The following CSMD1 variants were observed in gnomAD, a reference collection of about 807,000 sequenced individuals.
The protein encoded by CSMD1 is CUB and Sushi multiple domains 1.
Under a neutral mutation model 417.5 loss-of-function variants are expected in CSMD1, and 213 were observed. The observed-to-expected ratio is 0.51, with a 90% CI of 0.46 to 0.57. The LOEUF (loss-of-function observed/expected upper bound fraction) is 0.57, where lower values mean the gene tolerates loss of function less well. Among genes scored for constraint, CSMD1 ranks in the 20% least tolerant of loss-of-function variants. The pLI is 0.00. For missense variants in CSMD1, 6,923 were observed against 4,529.7 expected (o/e 1.53, Z -15.17); for synonymous variants, 2,862 against 1,736.8 (o/e 1.65, Z -16.11).
intron 3 of CSMD1, among the ~76,000 whole-genome samples, chr8:4,374,718 G>A (rs1802610621): frequency 6.6e-6 from 1 of 152,132 alleles, no homozygotes; most frequent in Non-Finnish European, 1.5e-5. Flanking sequence ...TCCGTGTCTG[G>A]AGCAGACTAA....
At chr8:4,404,440 C>A (rs765500635) in intron 3 of CSMD1, among the ~76,000 whole-genome samples, 3 of 152,050 alleles carry the variant, frequency 2.0e-5, no homozygotes, top group Non-Finnish European at 4.4e-5. Context: ...ATTTGTCAAG[C>A]AACGAAAGTA....
intron 1 of CSMD1, among the ~76,000 whole-genome samples, chr8:4,902,179 A>C (rs755712918): frequency 1.2e-4 from 18 of 152,160 alleles, no homozygotes; most frequent in Non-Finnish European, 2.5e-4. Flanking sequence ...GGAGAACAAG[A>C]TGGAAGGATC....
chr8:3,706,178 G>A (rs183854549), intron 7 of CSMD1, among the ~76,000 whole-genome samples: 4 of 152,346 alleles, frequency 2.6e-5, no homozygotes, highest in African/African-American at 7.2e-5. Context: ...AATGCCCACT[G>A]CATGCCACAC....
intron 3 of CSMD1, among the ~76,000 whole-genome samples, chr8:4,257,737 G>A (rs781103419): frequency 9.9e-5 from 15 of 152,158 alleles, no homozygotes; most frequent in Non-Finnish European, 1.9e-4. Flanking sequence ...CTCTGCTTCC[G>A]CTTTCCCGTT....
intron 7 of CSMD1, chr8:3,702,167 C>G (rs1044741366): frequency 6.6e-6 from 1 of 152,140 alleles, no homozygotes; most frequent in South Asian, 2.1e-4. Context: ...AAAAAATCAT[C>G]TTTTTATTAA....
At chr8:4,627,224 T>C (rs933063366) in intron 2 of CSMD1, among the ~76,000 whole-genome samples, 2 of 152,146 alleles carry the variant, frequency 1.3e-5, no homozygotes, top group Non-Finnish European at 2.9e-5. Context: ...CAACAGACTT[T>C]GCTGTCCAGT....
At chr8:4,483,675 T>A (rs926005961) in intron 2 of CSMD1, among the ~76,000 whole-genome samples, 1 of 152,208 alleles carries the variant, frequency 6.6e-6, no homozygotes, top group African/African-American at 2.4e-5. Context: ...TAATCCATTT[T>A]TGTAAGAAAA....
At chr8:4,719,951 C>T (rs937909591) in intron 1 of CSMD1, among the ~76,000 whole-genome samples, 1 of 152,086 alleles carries the variant, frequency 6.6e-6, no homozygotes, top group Non-Finnish European at 1.5e-5. Flanking sequence ...TGTCACCTCA[C>T]TTTAAATTTT....
chr8:3,482,646 G>A (rs1428279539), intron 11 of CSMD1, among the ~76,000 whole-genome samples: 14 of 152,266 alleles, frequency 9.2e-5, no homozygotes. Context: ...GGATCTAACT[G>A]ACGAATATGG....
intron 1 of CSMD1, among the ~76,000 whole-genome samples, chr8:4,903,691 T>C (rs933464667): frequency 3.3e-5 from 5 of 152,184 alleles, no homozygotes; most frequent in African/African-American, 1.2e-4. Flanking sequence ...CCAAAGGTTG[T>C]AATAAGGTCC....
chr8:2,966,517 T>C (rs1803974181), intron 58 of CSMD1, 53 bp downstream of exon 58: 2 of 1,517,692 alleles, frequency 1.3e-6, no homozygotes, highest in Admixed American at 1.9e-5. Flanking sequence ...TTTTTCCCAA[T>C]GGAGTGAATT....
chr8:3,071,521 A>C (rs1252878676), intron 49 of CSMD1, among the ~76,000 whole-genome samples: 1 of 152,226 alleles, frequency 6.6e-6, no homozygotes, highest in Non-Finnish European at 1.5e-5. Flanking sequence ...AATAAAAAAT[A>C]AAATGATAAA....
At chr8:3,021,212 T>G (rs902978608) in intron 51 of CSMD1, among the ~76,000 whole-genome samples, 1 of 152,354 alleles carries the variant, frequency 6.6e-6, no homozygotes, top group Middle Eastern at 3.4e-3. Flanking sequence ...TTAAAAATAT[T>G]CTGGTGACAA....
At chr8:4,467,729 A>G (rs183254995) in intron 2 of CSMD1, among the ~76,000 whole-genome samples, 3 of 152,320 alleles carry the variant, frequency 2.0e-5, no homozygotes, top group East Asian at 3.9e-4. Flanking sequence ...CTCAAGCCCA[A>G]TGGTAAAGCT....
rs143888480 is a variant in CSMD1, at chr8:4,501,883, G to C, written c.303-81818C>G. ...AAAAAACATGCTACATGCAGGCTTT[G>C]GTGCTGTCAAAGGTATGAGGAATCT... On this transcript the variant is annotated intron_variant, in intron 2 of 69. Transcript: ENST00000635120. Among the ~76,000 whole-genome samples, 515 of 152,156 alleles carry C rather than the reference G, an allele frequency of 3.4e-3. 3 individuals carry two copies. Among genetic ancestry groups the C allele is most frequent in the African/African-American group, 0.011 (471 of 41,506 alleles).
intron 2 of CSMD1, among the ~76,000 whole-genome samples, chr8:4,581,708 T>C (rs2130698980): frequency 6.6e-6 from 1 of 152,344 alleles, no homozygotes; most frequent in East Asian, 1.9e-4. Flanking sequence ...CAGGTCGGTT[T>C]TAACAGCTTC....
intron 3 of CSMD1, among the ~76,000 whole-genome samples, chr8:4,392,837 A>C (rs1803941762): frequency 6.6e-6 from 1 of 151,696 alleles, no homozygotes; most frequent in East Asian, 2.0e-4. Context: ...GTGTGGTGGC[A>C]GGCACCTGTA....
At chr8:3,682,573 A>T (rs1799721512) in intron 7 of CSMD1, among the ~76,000 whole-genome samples, 1 of 152,192 alleles carries the variant, frequency 6.6e-6, no homozygotes, top group Non-Finnish European at 1.5e-5. Context: ...GAGAAATAGG[A>T]ACACTTTGAC....
intron 10 of CSMD1, among the ~76,000 whole-genome samples, chr8:3,548,659 T>TACACACACACACACACAC (rs146360407): frequency 4.5e-5 from 6 of 133,002 alleles, no homozygotes; most frequent in African/African-American, 1.8e-4. Flanking sequence ...TATTCCATCA[T>TACACACACACACACACAC]ACACACACAC....
Sources: allele counts gnomAD v4.1 joint callset (sites outside exome capture counted in the v4.1 genomes callset), GRCh38; gene constraint gnomAD v4.1.1; transcripts MANE v1.5; gene names NCBI Gene and HGNC (gene_info 2026-07-23, HGNC 2026-07-21).